The following RELL1 variants were observed in gnomAD, a reference collection of about 807,000 sequenced individuals.
RELL1 encodes the protein RELT like 1.
In RELL1, 10 loss-of-function variants were observed where a neutral mutation model predicts 23.0. That is an observed-to-expected ratio of 0.43 (90% CI 0.27 to 0.74). The LOEUF (loss-of-function observed/expected upper bound fraction) is 0.74. Ranked by LOEUF, RELL1 falls within the 30% of genes least tolerant of loss-of-function variation. RELL1 has a pLI of 0.19. For synonymous variants in RELL1, 146 were observed against 146.8 expected (o/e 0.99, Z 0.04); for missense variants, 315 against 364.4 (o/e 0.86, Z 1.10).
intron 1 of RELL1, among the ~76,000 whole-genome samples, chr4:37,670,200 A>T (rs1165356146): frequency 1.3e-5 from 2 of 148,922 alleles, no homozygotes; most frequent in Non-Finnish European, 3.0e-5. Context: ...TGTCCTGATC[A>T]TAATCGATAG....
intron 6 of RELL1, among the ~76,000 whole-genome samples, chr4:37,594,402 C>A (rs1577551064): frequency 6.6e-6 from 1 of 152,316 alleles, no homozygotes; most frequent in East Asian, 1.9e-4. Context: ...TTGGAAGGCA[C>A]TAACTGTGAT....
chr4:37,654,291 C>T (rs902457681), intron 1 of RELL1, among the ~76,000 whole-genome samples: 1 of 152,180 alleles, frequency 6.6e-6, no homozygotes, highest in African/African-American at 2.4e-5. Context: ...TGCCCAGTGG[C>T]CATGTGTGGC....
chr4:37,624,418 C>CTTT (rs35118296), intron 6 of RELL1, among the ~76,000 whole-genome samples: 4 of 111,292 alleles, frequency 3.6e-5, no homozygotes, highest in African/African-American at 1.1e-4. Context: ...TTCTTTCTTT[C>CTTT]TTTTTTTTTT....
At chr4:37,591,055 A>T (rs1474352543) in exon 7 of RELL1, 3 of 1,440,984 alleles carry the variant, frequency 2.1e-6, no homozygotes, top group East Asian at 4.6e-5. Flanking sequence ...ATGCAGATGC[A>T]TTTGCTCCCT....
At chr4:37,647,248 G>A in intron 3 of RELL1, 120 bp downstream of exon 3, 2 of 638,404 alleles carry the variant, frequency 3.1e-6, no homozygotes, top group South Asian at 3.7e-5. Context: ...TGGAAGCTGA[G>A]GTGTTAGAAA....
chr4:37,635,655 C>G (rs1305316469), intron 4 of RELL1, among the ~76,000 whole-genome samples: 1 of 152,078 alleles, frequency 6.6e-6, no homozygotes, highest in African/African-American at 2.4e-5. Flanking sequence ...TTTATCACTT[C>G]TAGAATGGAA....
chr4:37,683,483 G>A (rs148236122), intron 1 of RELL1, among the ~76,000 whole-genome samples: 132 of 152,342 alleles, frequency 8.7e-4, no homozygotes, highest in African/African-American at 2.9e-3. Flanking sequence ...AAGGCTGGGC[G>A]CGGTGGCTCA....
intron 4 of RELL1, among the ~76,000 whole-genome samples, chr4:37,637,588 C>T (rs748353140): frequency 1.3e-5 from 2 of 152,192 alleles, no homozygotes; most frequent in Non-Finnish European, 2.9e-5. Context: ...TCCCCCAGAG[C>T]CTTCAGTCTC....
At chr4:37,609,397 C>G (rs1200980445), downstream of RELL1, among the ~76,000 whole-genome samples, 2 of 152,164 alleles carry the variant, frequency 1.3e-5, no homozygotes, top group African/African-American at 4.8e-5. Context: ...GGTCAGTTAC[C>G]CAAGAGCTCT....
chr4:37,684,178 A>G (rs1722322468), intron 1 of RELL1, among the ~76,000 whole-genome samples: 3 of 152,104 alleles, frequency 2.0e-5, no homozygotes, highest in Admixed American at 2.0e-4. Context: ...CTTTCCCTCT[A>G]CTTCCCTATG....
In RELL1 at chr4:37,638,524, T is replaced by C. The variant is rs1437178545; in HGVS notation, c.386-20A>G. The C allele has an allele frequency of 6.4e-7, 1 of 1,567,764 alleles. No individual in the cohort carries two copies. The highest frequency in any genetic ancestry group is 1.7e-4 in the Middle Eastern group (1 of 5,932). ...CATTCGCTAAGGAATAAAAATAAAA[T>C]TAAAGAATTAAAATAGAATGAATAA... On this transcript the variant is annotated intron_variant, in intron 3 of 6. Coordinates refer to ENST00000454158, the MANE Select transcript of RELL1 (RefSeq NM_001085400.2).
chr4:37,607,734 C>T (rs1236931172), downstream of RELL1, among the ~76,000 whole-genome samples: 2 of 151,978 alleles, frequency 1.3e-5, no homozygotes, highest in Non-Finnish European at 2.9e-5. Flanking sequence ...CACGCACCAC[C>T]ACACCTGGCT....
At chr4:37,657,753 A>C (rs988583955) in intron 1 of RELL1, among the ~76,000 whole-genome samples, 8 of 152,110 alleles carry the variant, frequency 5.3e-5, no homozygotes, top group African/African-American at 1.4e-4. Flanking sequence ...AAAAATCCCC[A>C]AAAAATAAGA....
chr4:37,590,979 A>C, exon 7 of RELL1: 1 of 1,612,550 alleles, frequency 6.2e-7, no homozygotes, highest in Non-Finnish European at 8.5e-7. Context: ...CTGCAGGAGA[A>C]GATTTGGATG....
At chr4:37,605,166 G>A (rs1173678194) in intron 6 of RELL1, among the ~76,000 whole-genome samples, 2 of 152,182 alleles carry the variant, frequency 1.3e-5, no homozygotes, top group African/African-American at 2.4e-5. Flanking sequence ...CCTGGAGTCA[G>A]AAGTAGCAGT....
chr4:37,651,997 GGCGTCGAGGCTGGGGCAGA>G (rs1720963597), intron 1 of RELL1, among the ~76,000 whole-genome samples: 2 of 152,262 alleles, frequency 1.3e-5, no homozygotes, highest in Non-Finnish European at 2.9e-5. Flanking sequence ...GGCCAAGCAG[GGCGTCGAGGCTGGGGCAGA>G]GCGTCGCCAG....
chr4:37,630,116 C>A (rs1258600078), intron 6 of RELL1, among the ~76,000 whole-genome samples: 1 of 152,018 alleles, frequency 6.6e-6, no homozygotes, highest in African/African-American at 2.4e-5. Context: ...ACCTCTCCCC[C>A]ATTGCCCGCC....
chr4:37,654,152 A>G (rs1721042290), intron 1 of RELL1, among the ~76,000 whole-genome samples: 2 of 152,190 alleles, frequency 1.3e-5, no homozygotes, highest in Admixed American at 6.5e-5. Context: ...AGTCATAATC[A>G]TAAAAGACCT....
chr4:37,651,664 A>C, intron 1 of RELL1, among the ~76,000 whole-genome samples: 1 of 152,178 alleles, frequency 6.6e-6, no homozygotes, highest in Non-Finnish European at 1.5e-5. Context: ...GCTACAAGTT[A>C]AATCCTCGGA....
Sources: gnomAD v4.1 joint callset for allele counts (sites outside exome capture counted in the v4.1 genomes callset) on GRCh38, gnomAD v4.1.1 for gene constraint, MANE v1.5 for transcripts, NCBI Gene and HGNC (gene_info 2026-07-23, HGNC 2026-07-21) for gene names.